Variants in KCNMA1 observed in about 807,000 individuals in gnomAD.
KCNMA1 encodes potassium calcium-activated channel subfamily M alpha 1, also known as Calcium-activated potassium channel subunit alpha-1.
In KCNMA1, 29 loss-of-function variants were observed where a neutral mutation model predicts 140.0. The ratio of observed to expected loss-of-function variants is 0.21; its 90% CI spans 0.15 to 0.28. KCNMA1 has a LOEUF of 0.28. Among genes scored for constraint, KCNMA1 ranks in the 10% least tolerant of loss-of-function variants. The pLI is 1.00. For missense variants in KCNMA1, 880 were observed against 1,602.2 expected (o/e 0.55, Z 7.70); for synonymous variants, 612 against 611.9 (o/e 1.00, Z 0.00).
intron 1 of KCNMA1, chr10:77,635,244 A>G (rs1465694616): frequency 2.0e-5 from 3 of 152,256 alleles, no homozygotes; most frequent in African/African-American, 7.2e-5. Context: ...TTAGCATTTC[A>G]TTACAGACAC....
chr10:77,051,783 T>C (rs542320562), intron 14 of KCNMA1, among the ~76,000 whole-genome samples: 3 of 152,186 alleles, frequency 2.0e-5, no homozygotes, highest in African/African-American at 7.2e-5. Context: ...AAGCCTTAAT[T>C]CCCTTCACCT....
At chr10:77,308,814 G>T (rs941125787) in intron 2 of KCNMA1, among the ~76,000 whole-genome samples, 8 of 152,140 alleles carry the variant, frequency 5.3e-5, no homozygotes, top group African/African-American at 1.9e-4. Flanking sequence ...GAGATACCCA[G>T]CTACAGTTAT....
chr10:76,957,594 T>C (rs2068906908), intron 20 of KCNMA1, among the ~76,000 whole-genome samples: 1 of 152,184 alleles, frequency 6.6e-6, no homozygotes, highest in African/African-American at 2.4e-5. Context: ...ACAGTGAGCA[T>C]ATGCATATAA....
chr10:76,937,407 C>T (rs369443383), intron 23 of KCNMA1, among the ~76,000 whole-genome samples: 4 of 152,326 alleles, frequency 2.6e-5, no homozygotes, highest in South Asian at 2.1e-4. Flanking sequence ...TTGACACATT[C>T]CCTCCTATCC....
intron 2 of KCNMA1, among the ~76,000 whole-genome samples, chr10:77,341,733 G>A (rs559011336): frequency 5.2e-4 from 79 of 152,304 alleles, no homozygotes; most frequent in African/African-American, 1.9e-3. Flanking sequence ...CAGGAATCAC[G>A]TCCACTTCAT....
In KCNMA1 at chr10:77,233,589, C is replaced by T. The variant is rs111574727; in HGVS notation, c.602+17606G>A. ...CAGAATGTGAGCAAACTCAGGACTG[C>T]GCATGCCTCCAGGAGGTTTGCTAAG... On this transcript the variant is annotated intron_variant, in intron 3 of 27. Coordinates refer to ENST00000286628, the MANE Select transcript of KCNMA1 (RefSeq NM_001161352.2). Among the ~76,000 whole-genome samples the T allele has an allele frequency of 1.6e-4, 25 of 152,268 alleles. 1 individual carries two copies. The highest frequency in any genetic ancestry group is 5.3e-4 in the African/African-American group (22 of 41,570).
chr10:77,615,891 T>A (rs1486408791), intron 1 of KCNMA1, among the ~76,000 whole-genome samples: 1 of 152,182 alleles, frequency 6.6e-6, no homozygotes, highest in Non-Finnish European at 1.5e-5. Context: ...GGATCTAAAA[T>A]AAAGGCCAAC....
intron 22 of KCNMA1, among the ~76,000 whole-genome samples, chr10:76,945,759 A>T (rs556905228): frequency 6.6e-6 from 1 of 152,006 alleles, no homozygotes; most frequent in Admixed American, 6.6e-5. Context: ...GGGGAAGTGA[A>T]AAAAAAAGTT....
chr10:77,152,296 G>C (rs2098429097), intron 5 of KCNMA1, among the ~76,000 whole-genome samples: 2 of 151,918 alleles, frequency 1.3e-5, no homozygotes. Context: ...GTGTGTGTGT[G>C]TGTGTGTGTG....
At chr10:77,184,703 C>A in intron 4 of KCNMA1, 120 bp downstream of exon 4, 1 of 746,454 alleles carries the variant, frequency 1.3e-6, no homozygotes, top group Non-Finnish European at 2.4e-6. Context: ...AATCAGAATG[C>A]GGGTGCGCTG....
intron 1 of KCNMA1, among the ~76,000 whole-genome samples, chr10:77,536,921 C>G (rs187558568): frequency 5.1e-4 from 77 of 152,348 alleles, no homozygotes; most frequent in African/African-American, 1.8e-3. Flanking sequence ...AAACACAAAG[C>G]TCACCGCATG....
chr10:77,349,622 T>C (rs1245021268), intron 2 of KCNMA1, among the ~76,000 whole-genome samples: 1 of 152,142 alleles, frequency 6.6e-6, no homozygotes, highest in Non-Finnish European at 1.5e-5. Context: ...ATAAGAAACT[T>C]ATCAGCAGTT....
intron 1 of KCNMA1, among the ~76,000 whole-genome samples, chr10:77,441,668 G>A (rs2097402672): frequency 1.3e-5 from 2 of 152,074 alleles, no homozygotes; most frequent in Admixed American, 1.3e-4. Flanking sequence ...ACATCAACAA[G>A]AGGCTCTACA....
intron 2 of KCNMA1, among the ~76,000 whole-genome samples, chr10:77,337,392 AG>A (rs1484391783): frequency 2.0e-5 from 3 of 152,334 alleles, no homozygotes; most frequent in Non-Finnish European, 2.9e-5. Context: ...AGGCTAAGGC[AG>A]GCGGGTCATT....
At chr10:77,481,260 T>C (rs2098391439) in intron 1 of KCNMA1, among the ~76,000 whole-genome samples, 1 of 152,118 alleles carries the variant, frequency 6.6e-6, no homozygotes, top group Non-Finnish European at 1.5e-5. Flanking sequence ...TTCCAGAGTC[T>C]AACTGAAAAA....
At chr10:77,272,375 C>G (rs78096857) in intron 2 of KCNMA1, among the ~76,000 whole-genome samples, 1 of 152,118 alleles carries the variant, frequency 6.6e-6, no homozygotes, top group African/African-American at 2.4e-5. Context: ...TTCCATCTTT[C>G]ATATTTTGAA....
At chr10:76,934,870 T>C (rs2060155115) in intron 23 of KCNMA1, among the ~76,000 whole-genome samples, 1 of 152,180 alleles carries the variant, frequency 6.6e-6, no homozygotes, top group South Asian at 2.1e-4. Flanking sequence ...TCTCATCTGC[T>C]GTCACGGAAA....
At chr10:77,607,429 A>AAGGTCC (rs2084938842) in intron 1 of KCNMA1, among the ~76,000 whole-genome samples, 1 of 152,166 alleles carries the variant, frequency 6.6e-6, no homozygotes, top group South Asian at 2.1e-4. Context: ...GGAATCTGTG[A>AAGGTCC]CTGCGACCTT....
intron 21 of KCNMA1, among the ~76,000 whole-genome samples, chr10:76,952,383 G>T (rs2066607024): frequency 6.6e-6 from 1 of 152,168 alleles, no homozygotes; most frequent in East Asian, 1.9e-4. Context: ...AACTGGGTAT[G>T]GTGGCGCGAA....
Sources: gnomAD v4.1 joint callset for allele counts (sites outside exome capture counted in the v4.1 genomes callset) on GRCh38, gnomAD v4.1.1 for gene constraint, MANE v1.5 for transcripts, NCBI Gene and HGNC (gene_info 2026-07-23, HGNC 2026-07-21) for gene names.